CHRDL1: variants seen among roughly 807,000 people sequenced by gnomAD.
CHRDL1 encodes the protein chordin-like protein 1.
In CHRDL1, 19 loss-of-function variants were observed where a neutral mutation model predicts 40.9. The observed-to-expected ratio is 0.46, with a 90% CI of 0.32 to 0.68. The LOEUF (loss-of-function observed/expected upper bound fraction) is 0.68. CHRDL1 is among the 30% of genes least tolerant of loss of function. The pLI, the probability that CHRDL1 is intolerant of heterozygous loss-of-function variation, is 0.03. For missense variants in CHRDL1, 329 were observed against 352.1 expected, an observed-to-expected ratio of 0.93 and a Z score of 0.53; for synonymous variants, 136 against 123.4, an observed-to-expected ratio of 1.10 and a Z score of -0.68.
intron 6 of CHRDL1, among the ~76,000 whole-genome samples, chrX:110,714,702 C>T (rs1391148989): frequency 9.0e-6 from 1 of 111,379 alleles, no homozygotes; most frequent in Non-Finnish European, 1.9e-5. Context: ...CTGTCTGACC[C>T]AGGAAGAAAG....
chrX:110,705,304 T>TATATATATATATATATATACACACAC (rs1491498596), intron 6 of CHRDL1, among the ~76,000 whole-genome samples: 8 of 77,615 alleles, frequency 1.0e-4, no homozygotes, highest in African/African-American at 4.5e-4. Flanking sequence ...TATATATATA[T>TATATATATATATATATATACACACAC]ACACACACAC....
intron 4 of CHRDL1, among the ~76,000 whole-genome samples, chrX:110,738,047 T>G (rs905529805): frequency 2.7e-5 from 3 of 112,112 alleles, no homozygotes; most frequent in African/African-American, 9.7e-5. Flanking sequence ...CCCAAAGTGT[T>G]TGCGAAGCTC....
Position 110,694,288 on chromosome X carries a change from C to T in CHRDL1, c.653G>A (p.Arg218Gln), listed in dbSNP as rs920527397. ...HRSHYDPPPS[R>Q]QAGGLSRFPG... Reference sequence around the variant, plus strand: ...AAAGCGGGACAGACCTCCAGCCTGTCGGCTTGGTGGAGGATCATAGTGAGA... The same window carrying T: ...AAAGCGGGACAGACCTCCAGCCTGTTGGCTTGGTGGAGGATCATAGTGAGA... Residue 218 changes from arginine to glutamine, a missense_variant, in exon 8 of 12, where the codon CGA becomes CAA. Arg to Gln is a conservative substitution (Grantham distance 43, BLOSUM62 1). Transcript: ENST00000372042. The T allele has an allele frequency of 6.6e-6, 8 of 1,210,693 alleles. No individual in the cohort carries two copies. Among genetic ancestry groups the T allele is most frequent in the East Asian group, 3.0e-5 (1 of 33,833 alleles).
At chrX:110,728,417 T>G (rs927361372) in intron 4 of CHRDL1, among the ~76,000 whole-genome samples, 1 of 111,562 alleles carries the variant, frequency 9.0e-6, no homozygotes, top group African/African-American at 3.3e-5. Context: ...TAGACTAGAC[T>G]AGGTGAACAT....
chrX:110,756,079 T>C (rs1244089651), intron 4 of CHRDL1, among the ~76,000 whole-genome samples: 1 of 112,141 alleles, frequency 8.9e-6, no homozygotes, highest in African/African-American at 3.2e-5. Flanking sequence ...TTATCTTCAG[T>C]AGAAAGAAAG....
chrX:110,694,554 C>G (rs2070347447), intron 7 of CHRDL1, among the ~76,000 whole-genome samples: 1 of 111,645 alleles, frequency 9.0e-6, no homozygotes, highest in African/African-American at 3.3e-5. Context: ...CAAGGTTTAT[C>G]TCTCTTCTTC....
chrX:110,697,678 T>A (rs2070415171), intron 7 of CHRDL1, among the ~76,000 whole-genome samples: 1 of 109,729 alleles, frequency 9.1e-6, no homozygotes, highest in African/African-American at 3.3e-5. Context: ...TCACTTTTTT[T>A]AATGGTAAAT....
intron 6 of CHRDL1, among the ~76,000 whole-genome samples, chrX:110,712,754 G>C (rs2070768561): frequency 9.1e-6 from 1 of 110,236 alleles, no homozygotes; most frequent in African/African-American, 3.3e-5. Flanking sequence ...TGTAGTCCCA[G>C]CTACTCAGGA....
At chrX:110,768,213 T>G (rs1197369257) in intron 2 of CHRDL1, among the ~76,000 whole-genome samples, 1 of 112,384 alleles carries the variant, frequency 8.9e-6, no homozygotes, top group Non-Finnish European at 1.9e-5. Context: ...CTACACATGT[T>G]AACATCACTC....
intron 4 of CHRDL1, among the ~76,000 whole-genome samples, chrX:110,722,549 T>C (rs910965530): frequency 1.8e-5 from 2 of 112,117 alleles, no homozygotes; most frequent in Non-Finnish European, 3.8e-5. Context: ...TTGAATATTA[T>C]TGAAACTCAT....
Position 110,688,734 on chromosome X carries a change from A to G in CHRDL1, c.848T>C (p.Ile283Thr), listed in dbSNP as rs1364887431. 1.7e-6 allele frequency: 2 copies of G among 1,210,011 alleles called. No individual in the cohort carries two copies. The highest frequency in any genetic ancestry group is 1.8e-5 in the South Asian group (1 of 56,882). ...ACAAGTACATAGCACACACTCCACA[A>G]TGCCAAATGCCCGGAGGTTTGGGTG... ...SWHPNLRAFGIVECVLCTCNV... is the reference protein window; with the variant it reads ...SWHPNLRAFGTVECVLCTCNV... Residue 283 changes from isoleucine to threonine, a missense_variant, in exon 9 of 12, where the codon ATT becomes ACT. By Grantham distance (89) the Ile-to-Thr change is moderately conservative. Transcript: ENST00000372042.
At chrX:110,693,520 A>AT (rs11432104) in intron 8 of CHRDL1, among the ~76,000 whole-genome samples, 52,324 of 107,952 alleles carry the variant, frequency 0.48, 11,179 homozygotes, top group African/African-American at 0.79. Flanking sequence ...CTTGGCTAAT[A>AT]TTTTTTCATT....
chrX:110,733,459 C>G (rs1411466574), intron 4 of CHRDL1, among the ~76,000 whole-genome samples: 1 of 111,947 alleles, frequency 8.9e-6, no homozygotes, highest in Admixed American at 9.5e-5. Flanking sequence ...CAAACACACT[C>G]TGATTTTCTG....
intron 2 of CHRDL1, among the ~76,000 whole-genome samples, chrX:110,775,749 A>G (rs1472607746): frequency 9.0e-6 from 1 of 110,664 alleles, no homozygotes; most frequent in Non-Finnish European, 1.9e-5. Flanking sequence ...CGTATTTGCA[A>G]TGACTTTCTA....
intron 6 of CHRDL1, among the ~76,000 whole-genome samples, chrX:110,712,989 G>A (rs777086640): frequency 9.0e-6 from 1 of 111,569 alleles, no homozygotes; most frequent in Admixed American, 9.5e-5. Flanking sequence ...TGGATTCATG[G>A]TGGGATCAGA....
chrX:110,719,495 A>G (rs1435288855), intron 6 of CHRDL1, among the ~76,000 whole-genome samples: 1 of 111,044 alleles, frequency 9.0e-6, no homozygotes, highest in Non-Finnish European at 1.9e-5. Context: ...GCTATGAATG[A>G]AAATAGTCTG....
At chrX:110,735,293 T>C (rs939654192) in intron 4 of CHRDL1, among the ~76,000 whole-genome samples, 35 of 112,117 alleles carry the variant, frequency 3.1e-4, no homozygotes, top group African/African-American at 1.1e-3. Context: ...TTCAATATGT[T>C]AAAAGGATCT....
intron 6 of CHRDL1, among the ~76,000 whole-genome samples, chrX:110,718,378 C>T (rs2070881929): frequency 8.9e-6 from 1 of 112,228 alleles, no homozygotes; most frequent in African/African-American, 3.2e-5. Context: ...AATTGGATCA[C>T]TTCATACTCT....
intron 2 of CHRDL1, among the ~76,000 whole-genome samples, chrX:110,781,333 G>C (rs934179009): frequency 3.6e-5 from 4 of 111,375 alleles, no homozygotes; most frequent in Middle Eastern, 4.2e-3. Context: ...CCTTCAAATG[G>C]CATTACTAGG....
Sources: gnomAD v4.1 joint callset for allele counts (sites outside exome capture counted in the v4.1 genomes callset) on GRCh38, gnomAD v4.1.1 for gene constraint, MANE v1.5 for transcripts, NCBI Gene and HGNC (gene_info 2026-07-23, HGNC 2026-07-21) for gene names.